HDGFL3: variants seen among roughly 807,000 people sequenced by gnomAD.
HDGFL3 encodes HDGF like 3.
Under a neutral mutation model 27.6 loss-of-function variants are expected in HDGFL3, and 6 were observed. The observed-to-expected ratio is 0.22, with a 90% CI of 0.12 to 0.43. HDGFL3 has a LOEUF of 0.43. Ranked by LOEUF, HDGFL3 falls within the 20% of genes least tolerant of loss-of-function variation. The probability of loss-of-function intolerance (pLI) is 1.00; values close to 1 mark genes in which losing one functional copy is unlikely to be tolerated. For synonymous variants in HDGFL3, 88 were observed against 88.9 expected, an observed-to-expected ratio of 0.99 and a Z score of 0.05; for missense variants, 207 against 250.1, an observed-to-expected ratio of 0.83 and a Z score of 1.16.
In HDGFL3 at chr15:83,147,069, C is replaced by CT. The variant is rs869185110; in HGVS notation, c.606+4145dup. 2.9e-3 allele frequency among the ~76,000 whole-genome samples: 424 copies of CT among 145,370 alleles called. 1 individual carries two copies. Among genetic ancestry groups the CT allele is most frequent in the Middle Eastern group, 3.6e-3 (1 of 280 alleles). On this transcript the variant is annotated intron_variant, in intron 5 of 5. Transcript: ENST00000299633. Reference sequence around the variant, plus strand: ...GTGCACCAGATCTTATACCTTCTTTCTTTTTTTTTTTTGAGACAGAATCTC... The same window carrying CT: ...GTGCACCAGATCTTATACCTTCTTTCTTTTTTTTTTTTTGAGACAGAATCTC...
At position 83,181,373 on chromosome 15, in the gene HDGFL3, G is replaced by A. The variant is rs188572496; in HGVS notation, c.85-17298C>T. Among the ~76,000 whole-genome samples the A allele has an allele frequency of 1.0e-3, 153 of 152,320 alleles. 1 individual carries two copies. The highest frequency in any genetic ancestry group is 3.3e-3 in the African/African-American group (136 of 41,560). The stretch of plus-strand genomic sequence containing the variant: ...CCTCATAGTATACCTGGGGAGAGGC[G>A]TAGTCTCTGACAACTGAAAGAACAC... On this transcript the variant is annotated intron_variant, in intron 1 of 5. Coordinates refer to ENST00000299633, the MANE Select transcript of HDGFL3 (RefSeq NM_016073.4).
chr15:83,164,247 A>G (rs184612718), intron 1 of HDGFL3, among the ~76,000 whole-genome samples, 172 bp from the exon 2 acceptor site: 4 of 152,156 alleles, frequency 2.6e-5, no homozygotes, highest in South Asian at 4.1e-4. Context: ...CATGGAAGTC[A>G]ACTCTAGGAA....
intron 4 of HDGFL3, among the ~76,000 whole-genome samples, chr15:83,152,981 T>C (rs1414304719): frequency 6.7e-6 from 1 of 149,854 alleles, no homozygotes; most frequent in African/African-American, 2.5e-5. Flanking sequence ...CAGTCCTCGA[T>C]ACGCAGTTCT....
chr15:83,119,430 A>C (rs1403378078), intron 3 of HDGFL3: 1 of 851,926 alleles, frequency 1.2e-6, no homozygotes, highest in Non-Finnish European at 1.8e-6. Context: ...TTGTATTTTC[A>C]TGTTCCTACC....
intron 1 of HDGFL3, among the ~76,000 whole-genome samples, chr15:83,191,625 T>C (rs1035836420): frequency 2.0e-5 from 3 of 152,220 alleles, no homozygotes; most frequent in South Asian, 4.1e-4. Flanking sequence ...TAACATGTTA[T>C]AAACCTTGTC....
intron 3 of HDGFL3, chr15:83,119,579 G>T: frequency 6.2e-7 from 1 of 1,614,058 alleles, no homozygotes; most frequent in Non-Finnish European, 8.5e-7. Context: ...TTTCTTTAGG[G>T]TGAACCGTAT....
downstream of HDGFL3, chr15:83,127,727 A>G: frequency 3.2e-5 from 12 of 372,918 alleles, no homozygotes; most frequent in South Asian, 3.4e-4. Context: ...AAGTTAAATG[A>G]TTTGCCCAAG....
At chr15:83,144,671 T>G (rs1322390712) in intron 5 of HDGFL3, 1 of 376,134 alleles carries the variant, frequency 2.7e-6, no homozygotes, top group African/African-American at 2.1e-5. Context: ...TGAGTGATCT[T>G]AGAAGAGGAT....
At chr15:83,180,108 G>C (rs2037361425) in intron 1 of HDGFL3, among the ~76,000 whole-genome samples, 1 of 151,352 alleles carries the variant, frequency 6.6e-6, no homozygotes, top group South Asian at 2.1e-4. Context: ...ATTCAATAGT[G>C]GAAAAGGAAA....
intron 4 of HDGFL3, among the ~76,000 whole-genome samples, chr15:83,156,616 A>C (rs951486439): frequency 1.6e-4 from 24 of 152,204 alleles, no homozygotes; most frequent in African/African-American, 5.5e-4. Context: ...CGAAGCCTTG[A>C]CGTGTGGTAG....
Position 83,145,490 on chromosome 15 carries a change from A to C in HDGFL3, c.606+5725T>G, listed in dbSNP as rs150657693. ...AAATGGTAGCTCTGTTCTCTCCCAC[A>C]GCTCTTGTACTACTACTTGCCCTGG... On this transcript the variant is annotated intron_variant, in intron 5 of 5. Transcript: ENST00000299633. Among the ~76,000 whole-genome samples the C allele has an allele frequency of 3.5e-3, 531 of 152,212 alleles. 1 individual carries two copies. Among genetic ancestry groups the C allele is most frequent in the Non-Finnish European group, 5.2e-3 (357 of 68,014 alleles).
In HDGFL3 at chr15:83,151,338, T is replaced by G; in HGVS notation, c.483A>C (p.Lys161Asn). The change falls in exon 5 of 6, where the codon AAA becomes AAC. Residue 161 changes from lysine to asparagine, a missense_variant. Transcript: ENST00000299633. Reference sequence around the variant, plus strand: ...CTTTGTCATCTTCATCTCCTGGAGATTTCCGGGACTGTTTAGAGGATTTCT... The same window carrying G: ...CTTTGTCATCTTCATCTCCTGGAGAGTTCCGGGACTGTTTAGAGGATTTCT... ...TSKKSSKQSR[K>N]SPGDEDDKDC... is the part of the protein sequence containing the mutation. 1 of 1,613,204 alleles carries G rather than the reference T, an allele frequency of 6.2e-7. No homozygotes were observed. Among genetic ancestry groups the G allele is most frequent in the Non-Finnish European group, 8.5e-7 (1 of 1,179,628 alleles).
exon 4 of HDGFL3, chr15:83,114,774 A>G (rs2034508048): frequency 6.6e-6 from 1 of 152,222 alleles, no homozygotes; most frequent in Non-Finnish European, 1.5e-5. Flanking sequence ...TTACAACTTG[A>G]AAATGCAGCT....
intron 5 of HDGFL3, among the ~76,000 whole-genome samples, chr15:83,147,220 A>G (rs2036908868): frequency 6.6e-6 from 1 of 151,460 alleles, no homozygotes; most frequent in Non-Finnish European, 1.5e-5. Context: ...GCACCACAAC[A>G]CTCAGCCAAT....
intron 1 of HDGFL3, among the ~76,000 whole-genome samples, chr15:83,197,372 C>T (rs1056954036): frequency 1.3e-5 from 2 of 152,124 alleles, no homozygotes; most frequent in Non-Finnish European, 1.5e-5. Context: ...ACTGTGCTTA[C>T]AGTAACTTTT....
chr15:83,151,243 G>A lies in HDGFL3; in HGVS notation c.578C>T (p.Thr193Ile), dbSNP rs1444228562. 6.2e-7 allele frequency: 1 copy of A among 1,612,884 alleles called. No individual in the cohort carries two copies. The highest frequency in any genetic ancestry group is 8.5e-7 in the Non-Finnish European group (1 of 1,179,796). ...TTCACTGGTTTTCTGCAAGTCTGAA[G>A]TTGTGTTTCTTGTGTCGTTGCCCGC... ...GDAGNDTRNT[T>I]SDLQKTSEGT Residue 193 changes from threonine to isoleucine, a missense_variant, in exon 5 of 6, where the codon ACT (threonine) becomes ATT (isoleucine). Thr to Ile is a moderately conservative substitution (Grantham distance 89, BLOSUM62 -1). Coordinates refer to ENST00000299633, the MANE Select transcript of HDGFL3 (RefSeq NM_016073.4).
intron 1 of HDGFL3, among the ~76,000 whole-genome samples, chr15:83,193,635 TA>T (rs2037538005): frequency 2.0e-5 from 3 of 152,168 alleles, no homozygotes; most frequent in Admixed American, 1.3e-4. Context: ...CAACTCTCCG[TA>T]GGACACACCT....
At position 83,131,784 on chromosome 15, in the gene HDGFL3, A is replaced by C; in HGVS notation, c.*7486T>G. ...TGAAACCAGGACACATTTTAGACCAAAGAGTTCCACTGGGGACTTACTCAT... is the reference window on the plus strand; with the variant it reads ...TGAAACCAGGACACATTTTAGACCACAGAGTTCCACTGGGGACTTACTCAT... On this transcript the variant is annotated 3_prime_UTR_variant, in exon 6 of 6. Transcript: ENST00000299633. The C allele has an allele frequency of 6.6e-6, 1 of 152,218 alleles. No homozygotes were observed. Among genetic ancestry groups the C allele is most frequent in the East Asian group, 1.9e-4 (1 of 5,204 alleles). The allele number at this position is 152,218 out of a possible 1,614,324, so 9.4% of individuals were successfully genotyped here. A position where few individuals can be genotyped will look rare whatever the true frequency, so the allele number is the denominator to read the frequency against.
intron 1 of HDGFL3, among the ~76,000 whole-genome samples, chr15:83,202,830 C>A (rs936096437): frequency 6.6e-6 from 1 of 152,056 alleles, no homozygotes; most frequent in Non-Finnish European, 1.5e-5. Context: ...ACCACTGTAT[C>A]AGTAATTTAT....
Sources: allele counts gnomAD v4.1 joint callset (sites outside exome capture counted in the v4.1 genomes callset), GRCh38; gene constraint gnomAD v4.1.1; transcripts MANE v1.5; gene names NCBI Gene and HGNC (gene_info 2026-07-23, HGNC 2026-07-21).